B3GALT1: variants seen among roughly 807,000 people sequenced by gnomAD.
The protein encoded by B3GALT1 is UDP-Gal:betaGlcNAc beta 1,3-galactosyltransferase, polypeptide 1.
A neutral mutation model predicts 23.2 loss-of-function variants in B3GALT1; 10 were observed. The observed-to-expected ratio is 0.43, with a 90% CI of 0.27 to 0.73. B3GALT1 has a LOEUF of 0.73. Ranked by LOEUF, B3GALT1 falls within the 30% of genes least tolerant of loss-of-function variation. The pLI is 0.21. For synonymous variants in B3GALT1, 156 were observed against 141.5 expected (o/e 1.10, Z -0.73); for missense variants, 299 against 405.4 (o/e 0.74, Z 2.25).
chr2:167,483,130 C>T (rs1340145727), intron 1 of B3GALT1, among the ~76,000 whole-genome samples: 1 of 151,864 alleles, frequency 6.6e-6, no homozygotes, highest in Non-Finnish European at 1.5e-5. Flanking sequence ...CCCCTCTCTA[C>T]TAAAAATACA....
At chr2:167,662,911 C>T (rs1045077335) in intron 3 of B3GALT1, among the ~76,000 whole-genome samples, 3 of 151,772 alleles carry the variant, frequency 2.0e-5, no homozygotes, top group African/African-American at 7.3e-5. Context: ...CTTGTCTTCT[C>T]CAAGTCTGCA....
At chr2:167,584,736 A>G (rs1472292127) in intron 2 of B3GALT1, among the ~76,000 whole-genome samples, 1 of 152,148 alleles carries the variant, frequency 6.6e-6, no homozygotes, top group Non-Finnish European at 1.5e-5. Context: ...AACTCAGGAA[A>G]ACACTTTTCT....
chr2:167,512,612 A>G (rs1320333711), intron 2 of B3GALT1, among the ~76,000 whole-genome samples: 5 of 94,914 alleles, frequency 5.3e-5, no homozygotes, highest in East Asian at 1.3e-3. Flanking sequence ...ATATATGTAT[A>G]TATATATACG....
intron 1 of B3GALT1, among the ~76,000 whole-genome samples, chr2:167,405,934 T>A (rs1166437175): frequency 6.6e-6 from 1 of 151,982 alleles, no homozygotes; most frequent in African/African-American, 2.4e-5. Flanking sequence ...TATGTAAACA[T>A]GATAGATGGG....
At chr2:167,353,186 T>C (rs1276495363) in intron 1 of B3GALT1, among the ~76,000 whole-genome samples, 1 of 152,214 alleles carries the variant, frequency 6.6e-6, no homozygotes, top group African/African-American at 2.4e-5. Context: ...TTTTATTTCC[T>C]GTCTCAACTG....
At chr2:167,745,727 C>A (rs916501569) in intron 3 of B3GALT1, among the ~76,000 whole-genome samples, 18 of 151,968 alleles carry the variant, frequency 1.2e-4, no homozygotes, top group African/African-American at 3.9e-4. Flanking sequence ...TGGTGTTCTG[C>A]AGTTTTACTG....
At chr2:167,484,248 T>TGGAGA (rs1204500166) in intron 1 of B3GALT1, among the ~76,000 whole-genome samples, 3 of 151,524 alleles carry the variant, frequency 2.0e-5, no homozygotes, top group Non-Finnish European at 4.4e-5. Flanking sequence ...GGGAGTGGAG[T>TGGAGA]GGAGAGCAAT....
chr2:167,705,404 C>T (rs951446193), intron 3 of B3GALT1, among the ~76,000 whole-genome samples: 4 of 152,186 alleles, frequency 2.6e-5, no homozygotes, highest in Non-Finnish European at 4.4e-5. Context: ...AATACAGGCC[C>T]GGGGCAGACT....
chr2:167,748,401 C>A (rs1290292612), intron 3 of B3GALT1, among the ~76,000 whole-genome samples: 1 of 151,988 alleles, frequency 6.6e-6, no homozygotes, highest in African/African-American at 2.4e-5. Context: ...GAAATTTCCA[C>A]AGATTCATTA....
At chr2:167,772,094 C>A (rs940400859) in intron 3 of B3GALT1, among the ~76,000 whole-genome samples, 4 of 150,676 alleles carry the variant, frequency 2.7e-5, no homozygotes, top group African/African-American at 9.8e-5. Flanking sequence ...ATCCAAAAGG[C>A]TGCCATGGTT....
At chr2:167,819,260 T>C (rs1041064523) in intron 4 of B3GALT1, among the ~76,000 whole-genome samples, 47 of 152,334 alleles carry the variant, frequency 3.1e-4, no homozygotes, top group Admixed American at 2.8e-3. Context: ...ACTAATTGAT[T>C]CTTGAAACTT....
chr2:167,296,171 A>C (rs1030212540), intron 1 of B3GALT1, among the ~76,000 whole-genome samples: 1 of 152,236 alleles, frequency 6.6e-6, no homozygotes, highest in South Asian at 2.1e-4. Flanking sequence ...CACTAAATTC[A>C]CTTCTTGACT....
intron 2 of B3GALT1, among the ~76,000 whole-genome samples, chr2:167,536,896 A>G (rs1014608156): frequency 6.6e-6 from 1 of 151,892 alleles, no homozygotes; most frequent in African/African-American, 2.4e-5. Flanking sequence ...CTGCCCTTCA[A>G]CTCCAACACT....
intron 3 of B3GALT1, among the ~76,000 whole-genome samples, chr2:167,700,127 G>A (rs1195056821): frequency 6.6e-6 from 1 of 152,146 alleles, no homozygotes; most frequent in Admixed American, 6.5e-5. Context: ...GTACACACTT[G>A]TTGTCCTAGC....
intron 2 of B3GALT1, among the ~76,000 whole-genome samples, chr2:167,491,707 C>A (rs988217865): frequency 1.3e-5 from 2 of 151,284 alleles, no homozygotes; most frequent in African/African-American, 2.4e-5. Flanking sequence ...CTCAGCTACT[C>A]GGGAGGCTGA....
rs1553517664 is a variant in B3GALT1, at chr2:167,408,807, A to AAAAAAAC, written c.-510-81365_-510-81359dup. Among the ~76,000 whole-genome samples the AAAAAAAC allele has an allele frequency of 2.1e-3, 294 of 138,072 alleles. 4 individuals carry two copies. Among genetic ancestry groups the AAAAAAAC allele is most frequent in the African/African-American group, 7.5e-3 (276 of 36,938 alleles). 90.6% of individuals were successfully genotyped at this position (138,072 alleles called of 152,430 possible). On this transcript the variant is annotated intron_variant, in intron 1 of 4. Coordinates refer to ENST00000392690, the MANE Select transcript of B3GALT1 (RefSeq NM_020981.4). ...GAAGTGAAGATGTATACAAAAAAAA[A>AAAAAAAC]AAAAAACAAAAGACAAACAAAAAAA...
intron 3 of B3GALT1, chr2:167,714,179 T>C: frequency 6.6e-7 from 1 of 1,516,488 alleles, no homozygotes; most frequent in Non-Finnish European, 9.2e-7. Context: ...TCTATCAGAA[T>C]TAGAATAAAA....
intron 1 of B3GALT1, among the ~76,000 whole-genome samples, chr2:167,463,822 A>C (rs1435040914): frequency 3.3e-5 from 5 of 152,216 alleles, no homozygotes; most frequent in African/African-American, 4.8e-5. Flanking sequence ...CTTCTTTGAA[A>C]GTGAGAGATA....
At chr2:167,347,748 T>G (rs1049272413) in intron 1 of B3GALT1, among the ~76,000 whole-genome samples, 1 of 152,148 alleles carries the variant, frequency 6.6e-6, no homozygotes, top group Non-Finnish European at 1.5e-5. Flanking sequence ...AACCATGCGT[T>G]TGTTGCTTTT....
Sources: allele counts gnomAD v4.1 joint callset (sites outside exome capture counted in the v4.1 genomes callset), GRCh38; gene constraint gnomAD v4.1.1; transcripts MANE v1.5; gene names NCBI Gene and HGNC (gene_info 2026-07-23, HGNC 2026-07-21).